PLCB1: variants seen among roughly 807,000 people sequenced by gnomAD.
The protein encoded by PLCB1 is phospholipase C beta 1.
In PLCB1, 46 loss-of-function variants were observed where a neutral mutation model predicts 161.8. That is an observed-to-expected ratio of 0.28 (90% CI 0.22 to 0.36). PLCB1 has a LOEUF of 0.36. Among genes scored for constraint, PLCB1 ranks in the 10% least tolerant of loss-of-function variants. The pLI, the probability that PLCB1 is intolerant of heterozygous loss-of-function variation, is 1.00. For synonymous variants in PLCB1, 517 were observed against 503.7 expected, an observed-to-expected ratio of 1.03 and a Z score of -0.35; for missense variants, 1,016 against 1,472.5, an observed-to-expected ratio of 0.69 and a Z score of 5.07.
intron 3 of PLCB1, among the ~76,000 whole-genome samples, chr20:8,500,664 A>T (rs1470230890): frequency 6.6e-6 from 1 of 152,228 alleles, no homozygotes; most frequent in East Asian, 1.9e-4. Context: ...TATTTCTATA[A>T]TAAGAAAGGT....
At chr20:8,460,121 G>A (rs950668710) in intron 3 of PLCB1, among the ~76,000 whole-genome samples, 1 of 152,238 alleles carries the variant, frequency 6.6e-6, no homozygotes, top group Non-Finnish European at 1.5e-5. Context: ...ATGAGATCAA[G>A]TGGTGATAGA....
chr20:8,629,476 T>C (rs1366827514), intron 4 of PLCB1, among the ~76,000 whole-genome samples: 1 of 152,212 alleles, frequency 6.6e-6, no homozygotes, highest in Non-Finnish European at 1.5e-5. Flanking sequence ...CCAATTGTCA[T>C]TGAAAGAATA....
chr20:8,301,842 G>A (rs906221258), intron 2 of PLCB1, among the ~76,000 whole-genome samples: 3 of 152,344 alleles, frequency 2.0e-5, no homozygotes, highest in South Asian at 2.1e-4. Flanking sequence ...CAGTATTTAC[G>A]TCATCTCCAG....
At chr20:8,236,233 A>T (rs1413027997) in intron 2 of PLCB1, among the ~76,000 whole-genome samples, 3 of 152,126 alleles carry the variant, frequency 2.0e-5, no homozygotes, top group African/African-American at 7.2e-5. Context: ...AAATACACTA[A>T]TTACTATAAA....
At chr20:8,556,443 G>T (rs775368725) in intron 3 of PLCB1, among the ~76,000 whole-genome samples, 2 of 152,044 alleles carry the variant, frequency 1.3e-5, no homozygotes, top group Non-Finnish European at 1.5e-5. Flanking sequence ...GGAAAAGCTG[G>T]AGAATGAGTT....
chr20:8,528,790 A>G (rs1984680171), intron 3 of PLCB1, among the ~76,000 whole-genome samples: 1 of 151,958 alleles, frequency 6.6e-6, no homozygotes, highest in African/African-American at 2.4e-5. Context: ...AATACTAGAT[A>G]ATACGTATTC....
intron 4 of PLCB1, among the ~76,000 whole-genome samples, chr20:8,645,203 C>T (rs1398532828): frequency 2.0e-5 from 3 of 149,672 alleles, no homozygotes; most frequent in African/African-American, 7.3e-5. Flanking sequence ...CTAGGAAAAC[C>T]AGAGACCTTT....
At chr20:8,566,001 A>G (rs1330311218) in intron 3 of PLCB1, among the ~76,000 whole-genome samples, 1 of 152,170 alleles carries the variant, frequency 6.6e-6, no homozygotes, top group Non-Finnish European at 1.5e-5. Flanking sequence ...AGGAAAATTA[A>G]TCATTATATA....
intron 2 of PLCB1, among the ~76,000 whole-genome samples, chr20:8,243,525 A>G (rs879307266): frequency 6.6e-5 from 10 of 151,922 alleles, no homozygotes; most frequent in Non-Finnish European, 1.3e-4. Context: ...TAAGGGAGCT[A>G]TGTACCTCCT....
intron 27 of PLCB1, among the ~76,000 whole-genome samples, chr20:8,782,462 G>A (rs1983287924): frequency 6.6e-6 from 1 of 152,092 alleles, no homozygotes. Context: ...GTACAAACTT[G>A]GTGCACTGCA....
chr20:8,296,315 A>G (rs982157309), intron 2 of PLCB1, among the ~76,000 whole-genome samples: 1 of 152,146 alleles, frequency 6.6e-6, no homozygotes, highest in African/African-American at 2.4e-5. Flanking sequence ...GTCACCTCCC[A>G]TCACCCGTCA....
chr20:8,413,717 C>T (rs1327528092), intron 3 of PLCB1, among the ~76,000 whole-genome samples: 7 of 152,064 alleles, frequency 4.6e-5, no homozygotes, highest in East Asian at 1.9e-4. Context: ...TCTTTATTTG[C>T]GGTATGGGAA....
chr20:8,819,816 A>G (rs1268415244), intron 31 of PLCB1, among the ~76,000 whole-genome samples: 1 of 152,122 alleles, frequency 6.6e-6, no homozygotes, highest in African/African-American at 2.4e-5. Context: ...ATTACTTAAT[A>G]TCATTAGACT....
chr20:8,495,644 G>A (rs893056777), intron 3 of PLCB1, among the ~76,000 whole-genome samples: 1 of 127,070 alleles, frequency 7.9e-6, no homozygotes, highest in African/African-American at 3.0e-5. Flanking sequence ...TGATCCGCCT[G>A]CCTTGGCCTT....
At position 8,883,183 on chromosome 20, in the gene PLCB1, G is replaced by A. The variant is rs1478529131; in HGVS notation, c.*1334G>A. ...GCTTGTTTTAATGGTCAAAAAATTAGGACAGAAATAATATGGACATTTATT... is the reference window on the plus strand; with the variant it reads ...GCTTGTTTTAATGGTCAAAAAATTAAGACAGAAATAATATGGACATTTATT... On this transcript the variant is annotated 3_prime_UTR_variant, in exon 32 of 32. Coordinates refer to ENST00000338037, the MANE Select transcript of PLCB1 (RefSeq NM_015192.4). 2 of 151,876 alleles carry A rather than the reference G, an allele frequency of 1.3e-5. No homozygotes were observed. The highest frequency in any genetic ancestry group is 2.9e-5 in the Non-Finnish European group (2 of 67,954). 9.4% of individuals were successfully genotyped at this position (151,876 alleles called of 1,614,324 possible).
intron 3 of PLCB1, among the ~76,000 whole-genome samples, chr20:8,390,505 A>G (rs575493230): frequency 6.6e-6 from 1 of 152,326 alleles, no homozygotes; most frequent in East Asian, 1.9e-4. Flanking sequence ...CCCTCATTAC[A>G]TTACAAAGCC....
At chr20:8,614,576 G>A (rs1987995871) in intron 3 of PLCB1, among the ~76,000 whole-genome samples, 1 of 142,862 alleles carries the variant, frequency 7.0e-6, no homozygotes, top group African/African-American at 2.7e-5. Context: ...TTCTAGTTAT[G>A]TAAAATTCTG....
chr20:8,193,311 C>A (rs575249914), intron 2 of PLCB1, among the ~76,000 whole-genome samples: 25 of 151,726 alleles, frequency 1.6e-4, no homozygotes, highest in African/African-American at 6.0e-4. Flanking sequence ...GCATAAAAAG[C>A]AGAATATTAA....
At chr20:8,827,075 T>C (rs542714992) in intron 31 of PLCB1, among the ~76,000 whole-genome samples, 4 of 152,214 alleles carry the variant, frequency 2.6e-5, no homozygotes, top group Non-Finnish European at 5.9e-5. Flanking sequence ...TTGTAACAAG[T>C]AATTAAGGAA....
Sources: gnomAD v4.1 joint callset for allele counts (sites outside exome capture counted in the v4.1 genomes callset) on GRCh38, gnomAD v4.1.1 for gene constraint, MANE v1.5 for transcripts, NCBI Gene and HGNC (gene_info 2026-07-23, HGNC 2026-07-21) for gene names.